The following COL11A1 variants were observed in gnomAD, a reference collection of about 807,000 sequenced individuals.
The protein encoded by COL11A1 is collagen alpha-1(XI) chain.
Under a neutral mutation model 265.2 loss-of-function variants are expected in COL11A1, and 74 were observed. The ratio of observed to expected loss-of-function variants is 0.28; its 90% CI spans 0.23 to 0.34. COL11A1 has a LOEUF of 0.34. Ranked by LOEUF, COL11A1 falls within the 10% of genes least tolerant of loss-of-function variation. The pLI, the probability that COL11A1 is intolerant of heterozygous loss-of-function variation, is 1.00. For synonymous variants in COL11A1, 816 were observed against 727.6 expected (o/e 1.12, Z -1.96); for missense variants, 2,165 against 2,263.6 (o/e 0.96, Z 0.88).
chr1:102,996,185 C>T (rs565608463), intron 26 of COL11A1, 143 bp from the exon 27 acceptor site: 4 of 785,644 alleles, frequency 5.1e-6, no homozygotes, highest in Non-Finnish European at 8.2e-6. Flanking sequence ...GTAGTTTACT[C>T]TTTATTTCTA....
chr1:103,102,363 T>C (rs1229863782), intron 1 of COL11A1, among the ~76,000 whole-genome samples: 1 of 152,180 alleles, frequency 6.6e-6, no homozygotes, highest in East Asian at 1.9e-4. Flanking sequence ...GACTCTTTAG[T>C]GAAAGAACTT....
chr1:102,916,295 T>C (rs1005422383), intron 49 of COL11A1, among the ~76,000 whole-genome samples: 7 of 152,282 alleles, frequency 4.6e-5, no homozygotes, highest in Non-Finnish European at 8.8e-5. Flanking sequence ...AATGGCTTTT[T>C]TTCTAGCCCA....
chr1:103,085,678 A>G (rs995705002), intron 1 of COL11A1, among the ~76,000 whole-genome samples: 2 of 152,236 alleles, frequency 1.3e-5, no homozygotes, highest in Non-Finnish European at 2.9e-5. Context: ...GCCAAATATC[A>G]TTCAGCATGC....
At chr1:102,934,097 G>A (rs1052511869) in intron 46 of COL11A1, among the ~76,000 whole-genome samples, 2 of 152,140 alleles carry the variant, frequency 1.3e-5, no homozygotes, top group African/African-American at 4.8e-5. Flanking sequence ...TTCCTATTCG[G>A]CCATCTTGGC....
At chr1:102,911,548 G>T (rs192923978) in intron 54 of COL11A1, among the ~76,000 whole-genome samples, 1 of 152,118 alleles carries the variant, frequency 6.6e-6, no homozygotes, top group Non-Finnish European at 1.5e-5. Flanking sequence ...TAAGAGGCAG[G>T]TCTGCAGAGA....
chr1:103,044,165 G>GTTT (rs367743704), intron 4 of COL11A1, among the ~76,000 whole-genome samples: 4,842 of 141,528 alleles, frequency 0.034, 106 homozygotes, highest in Middle Eastern at 0.088. Context: ...ACTCTCACCA[G>GTTT]TTTTTTTTTT....
At chr1:102,940,292 C>G in intron 43 of COL11A1, 35 bp downstream of exon 43, 4 of 1,534,078 alleles carry the variant, frequency 2.6e-6, no homozygotes, top group Non-Finnish European at 3.6e-6. Context: ...TAAGCTTTTT[C>G]ACAGGATCTA....
At chr1:102,898,236 A>T in intron 56 of COL11A1, 58 bp from the exon 57 acceptor site, 1 of 816,980 alleles carries the variant, frequency 1.2e-6, no homozygotes, top group Non-Finnish European at 1.6e-6. Context: ...ATATTTATTT[A>T]TTTATTTTAA....
chr1:102,981,799 T>C (rs1184012592), intron 31 of COL11A1, among the ~76,000 whole-genome samples: 5 of 151,980 alleles, frequency 3.3e-5, no homozygotes, highest in African/African-American at 1.2e-4. Context: ...TATCCTACCT[T>C]AAAATAGATT....
chr1:102,962,727 G>A lies in COL11A1; in HGVS notation c.2950C>T (p.Arg984Cys), dbSNP rs1020862028. 3 of 1,614,120 alleles carry A rather than the reference G, an allele frequency of 1.9e-6. No individual in the cohort carries two copies. The highest frequency in any genetic ancestry group is 2.2e-5 in the East Asian group (1 of 44,868). The change falls in exon 39 of 67, where the codon CGT becomes TGT. Residue 984 changes from arginine to cysteine, a missense_variant. Transcript: ENST00000370096. Reference sequence around the variant, plus strand: ...GGGCCAGGAGGGCCAGGATGCCCACGTTCCCCTATTGGACCAGTCTCACCG... The same window carrying A: ...GGGCCAGGAGGGCCAGGATGCCCACATTCCCCTATTGGACCAGTCTCACCG... ...PTGETGPIGE[R>C]GHPGPPGPPG...
At chr1:102,922,285 T>G (rs2101079081) in intron 47 of COL11A1, among the ~76,000 whole-genome samples, 1 of 152,324 alleles carries the variant, frequency 6.6e-6, no homozygotes, top group East Asian at 1.9e-4. Flanking sequence ...TCTACTACCG[T>G]GTAATCAGGA....
intron 20 of COL11A1, 70 bp from the exon 21 acceptor site, chr1:103,003,338 G>T (rs1198685979): frequency 1.4e-6 from 2 of 1,423,378 alleles, no homozygotes; most frequent in African/African-American, 1.4e-5. Flanking sequence ...CTCTTTCAAT[G>T]AAGAAATCCT....
intron 1 of COL11A1, among the ~76,000 whole-genome samples, chr1:103,098,742 T>C (rs1239639980): frequency 6.6e-6 from 1 of 151,888 alleles, no homozygotes. Flanking sequence ...TATAATGTTA[T>C]GCCAGGCTAA....
At chr1:102,911,817 T>C (rs1241581200) in intron 54 of COL11A1, among the ~76,000 whole-genome samples, 2 of 152,188 alleles carry the variant, frequency 1.3e-5, no homozygotes, top group African/African-American at 2.4e-5. Flanking sequence ...CACTGGACTT[T>C]TGACAGCTCA....
intron 11 of COL11A1, among the ~76,000 whole-genome samples, chr1:103,016,518 T>C (rs1377331290): frequency 6.6e-6 from 1 of 151,900 alleles, no homozygotes; most frequent in East Asian, 1.9e-4. Flanking sequence ...AAGCTTTCAA[T>C]ATAAGGAGAC....
chr1:102,951,171 G>A (rs1659837341), intron 41 of COL11A1, among the ~76,000 whole-genome samples: 1 of 152,134 alleles, frequency 6.6e-6, no homozygotes, highest in Non-Finnish European at 1.5e-5. Context: ...CTGAGAATTA[G>A]AAGCATGAGA....
rs114365404 is a variant in COL11A1 at position 102,989,999 on chromosome 1, C to A, written c.2341-428G>T. On this transcript the variant is annotated intron_variant, in intron 28 of 66. Transcript: ENST00000370096. ...CCAGGAGTTTGAGGCCAACCTGGGC[C>A]ACATGGCAAAACCCATCTCTACAAA... Among the ~76,000 whole-genome samples the A allele has an allele frequency of 2.5e-3, 378 of 152,062 alleles. 2 individuals carry two copies. The highest frequency in any genetic ancestry group is 8.9e-3 in the African/African-American group (368 of 41,520).
At chr1:103,031,910 A>T (rs1156841999) in intron 4 of COL11A1, among the ~76,000 whole-genome samples, 1 of 152,030 alleles carries the variant, frequency 6.6e-6, no homozygotes, top group Non-Finnish European at 1.5e-5. Flanking sequence ...AATTTGTATG[A>T]TTTCAATAAA....
intron 6 of COL11A1, chr1:103,025,854 T>C (rs1296193948): frequency 1.2e-6 from 2 of 1,613,670 alleles, no homozygotes; most frequent in Non-Finnish European, 1.7e-6. Flanking sequence ...TCTTCTTGGA[T>C]GAAAATTTTT....
Sources: gnomAD v4.1 joint callset for allele counts (sites outside exome capture counted in the v4.1 genomes callset) on GRCh38, gnomAD v4.1.1 for gene constraint, MANE v1.5 for transcripts, NCBI Gene and HGNC (gene_info 2026-07-23, HGNC 2026-07-21) for gene names.